Variants in TENM3 observed in about 807,000 individuals in gnomAD.
TENM3 encodes the protein teneurin transmembrane protein 3.
TENM3 carries 63 observed loss-of-function variants against 255.1 expected under a neutral mutation model. That is an observed-to-expected ratio of 0.25 (90% CI 0.20 to 0.30). The LOEUF is 0.30. Ranked by LOEUF, TENM3 falls within the 10% of genes least tolerant of loss-of-function variation. The pLI is 1.00. For missense variants in TENM3, 2,929 were observed against 3,461.1 expected (o/e 0.85, Z 3.86); for synonymous variants, 1,306 against 1,322.3 (o/e 0.99, Z 0.27).
At chr4:181,911,264 G>A in the TENM3 span, among the ~76,000 whole-genome samples, 1 of 152,262 alleles carries the variant, frequency 6.6e-6, no homozygotes, top group South Asian at 2.1e-4. Context: ...CAAAGAAAAG[G>A]TCATCTGGAA....
chr4:181,935,859 A>C, the TENM3 span, among the ~76,000 whole-genome samples: 3 of 152,136 alleles, frequency 2.0e-5, no homozygotes, highest in Non-Finnish European at 4.4e-5. Context: ...GAAGCCTCAG[A>C]CAAACCTCAT....
the TENM3 span, among the ~76,000 whole-genome samples, chr4:181,663,475 T>G: frequency 6.6e-6 from 1 of 152,196 alleles, no homozygotes; most frequent in Non-Finnish European, 1.5e-5. Flanking sequence ...CCCTTAATGC[T>G]CATTCTCATC....
the TENM3 span, among the ~76,000 whole-genome samples, chr4:181,859,950 C>T: frequency 6.6e-6 from 1 of 152,094 alleles, no homozygotes; most frequent in African/African-American, 2.4e-5. Context: ...GAAAGAATGA[C>T]ATGTAGTCCC....
chr4:182,071,283 A>T, the TENM3 span, among the ~76,000 whole-genome samples: 4,928 of 152,212 alleles, frequency 0.032, 281 homozygotes, highest in African/African-American at 0.11. Flanking sequence ...ATGGCTTGAG[A>T]CATCTCCAAA....
the TENM3 span, among the ~76,000 whole-genome samples, chr4:182,068,453 A>G: frequency 6.6e-6 from 1 of 152,068 alleles, no homozygotes; most frequent in African/African-American, 2.4e-5. Context: ...AAAACCCTAC[A>G]TTGCTACTAC....
At chr4:182,206,777 A>G (rs996080026) in intron 1 of TENM3, among the ~76,000 whole-genome samples, 1 of 152,208 alleles carries the variant, frequency 6.6e-6, no homozygotes, top group Admixed American at 6.5e-5. Flanking sequence ...GGAGTAAAAA[A>G]TTAGCAGAAG....
chr4:182,040,605 G>A, the TENM3 span, among the ~76,000 whole-genome samples: 17 of 152,008 alleles, frequency 1.1e-4, no homozygotes, highest in South Asian at 2.1e-4. Context: ...CAGCCTCTCC[G>A]GTCCTTGTTC....
the TENM3 span, among the ~76,000 whole-genome samples, chr4:181,796,782 G>A: frequency 5.9e-5 from 9 of 152,166 alleles, no homozygotes; most frequent in East Asian, 3.9e-4. Context: ...TGCATAAGGC[G>A]GACAACCTCA....
At chr4:182,074,216 G>A in the TENM3 span, among the ~76,000 whole-genome samples, 2 of 152,076 alleles carry the variant, frequency 1.3e-5, no homozygotes, top group Admixed American at 6.6e-5. Context: ...ATAAACAGAC[G>A]TGTGTCTGTA....
intron 3 of TENM3, among the ~76,000 whole-genome samples, chr4:182,510,265 C>G (rs1207359712): frequency 6.6e-6 from 1 of 151,680 alleles, no homozygotes; most frequent in East Asian, 1.9e-4. Flanking sequence ...CAAAAGTATC[C>G]TCATTTCCTC....
the TENM3 span, among the ~76,000 whole-genome samples, chr4:181,552,516 C>T: frequency 2.0e-5 from 3 of 152,320 alleles, no homozygotes; most frequent in African/African-American, 4.8e-5. Context: ...AGAGCTTCCT[C>T]AAAGCACTCA....
chr4:181,617,683 C>G, the TENM3 span, among the ~76,000 whole-genome samples: 1 of 152,198 alleles, frequency 6.6e-6, no homozygotes, highest in African/African-American at 2.4e-5. Flanking sequence ...CGTCAATGAG[C>G]TCATGGACTA....
At chr4:182,761,010 T>A (rs1296125867) in intron 22 of TENM3, among the ~76,000 whole-genome samples, 1 of 151,606 alleles carries the variant, frequency 6.6e-6, no homozygotes, top group African/African-American at 2.4e-5. Context: ...TTAGAAAAGT[T>A]ATGCCCATTC....
the TENM3 span, among the ~76,000 whole-genome samples, chr4:182,124,257 G>A: frequency 6.6e-6 from 1 of 152,036 alleles, no homozygotes; most frequent in African/African-American, 2.4e-5. Context: ...TCACCATATT[G>A]GTCAGGCTGG....
At chr4:181,620,004 C>T in the TENM3 span, among the ~76,000 whole-genome samples, 1 of 152,108 alleles carries the variant, frequency 6.6e-6, no homozygotes, top group African/African-American at 2.4e-5. Context: ...AAAATATGCT[C>T]TTCTCCCTCA....
the TENM3 span, among the ~76,000 whole-genome samples, chr4:181,478,784 GT>G: frequency 6.6e-6 from 1 of 151,996 alleles, no homozygotes; most frequent in Admixed American, 6.6e-5. Context: ...CATTCCACAT[GT>G]CCTTTTCTAC....
chr4:181,699,964 A>AT, the TENM3 span, among the ~76,000 whole-genome samples: 17 of 152,252 alleles, frequency 1.1e-4, no homozygotes, highest in Middle Eastern at 3.4e-3. Flanking sequence ...AGGTAGGCCT[A>AT]TTTTTTTGTT....
chr4:182,593,595 AG>A (rs1746888115), intron 3 of TENM3, among the ~76,000 whole-genome samples: 2 of 152,210 alleles, frequency 1.3e-5, no homozygotes, highest in Admixed American at 1.3e-4. Flanking sequence ...ATGGAGATCC[AG>A]GGAAGGAGGG....
At chr4:181,852,139 G>T in the TENM3 span, among the ~76,000 whole-genome samples, 1 of 152,142 alleles carries the variant, frequency 6.6e-6, no homozygotes, top group African/African-American at 2.4e-5. Flanking sequence ...GGATCCTCAG[G>T]CTTTTAATAC....
Sources: gnomAD v4.1 joint callset for allele counts (sites outside exome capture counted in the v4.1 genomes callset) on GRCh38, gnomAD v4.1.1 for gene constraint, MANE v1.5 for transcripts, NCBI Gene and HGNC (gene_info 2026-07-23, HGNC 2026-07-21) for gene names.